Variants in PTPRD observed in about 807,000 individuals in gnomAD.
PTPRD encodes receptor-type tyrosine-protein phosphatase delta.
PTPRD carries 34 observed loss-of-function variants against 214.5 expected under a neutral mutation model. The ratio of observed to expected loss-of-function variants is 0.16; its 90% confidence interval spans 0.12 to 0.21. The LOEUF (loss-of-function observed/expected upper bound fraction) is 0.21, where lower values mean the gene tolerates loss of function less well. Among genes scored for constraint, PTPRD ranks in the 10% least tolerant of loss-of-function variants. The pLI is 1.00. For missense variants in PTPRD, 2,545 were observed against 2,398.7 expected (o/e 1.06, Z -1.27); for synonymous variants, 1,128 against 845.7 (o/e 1.33, Z -5.79).
chr9:9,616,778 G>C (rs990524065), intron 7 of PTPRD, among the ~76,000 whole-genome samples: 8 of 151,992 alleles, frequency 5.3e-5, no homozygotes, highest in African/African-American at 1.9e-4. Context: ...CCAACCAACA[G>C]CTCTCAGGGC....
chr9:10,005,083 A>G (rs2096443678), intron 4 of PTPRD, among the ~76,000 whole-genome samples: 1 of 152,126 alleles, frequency 6.6e-6, no homozygotes, highest in East Asian at 1.9e-4. Flanking sequence ...TAAAACGTGG[A>G]CACTATTTCC....
chr9:8,590,068 G>C (rs889905728), intron 14 of PTPRD, among the ~76,000 whole-genome samples: 4 of 151,940 alleles, frequency 2.6e-5, no homozygotes, highest in Admixed American at 6.6e-5. Context: ...TTATGACCTA[G>C]GCCATACTTA....
At chr9:9,552,927 A>G (rs2080671925) in intron 8 of PTPRD, among the ~76,000 whole-genome samples, 3 of 152,102 alleles carry the variant, frequency 2.0e-5, no homozygotes, top group Admixed American at 2.0e-4. Flanking sequence ...GTGCTAGAAC[A>G]TCTGGAGCAT....
At chr9:9,425,690 T>G (rs189564192) in intron 8 of PTPRD, among the ~76,000 whole-genome samples, 1 of 151,810 alleles carries the variant, frequency 6.6e-6, no homozygotes. Flanking sequence ...CATTTAACAA[T>G]GATGCAGATA....
intron 2 of PTPRD, among the ~76,000 whole-genome samples, chr9:10,569,827 A>T (rs548996240): frequency 3.1e-4 from 47 of 152,194 alleles, no homozygotes; most frequent in Middle Eastern, 6.9e-3. Context: ...CATATAACTA[A>T]TGAGCTTGGT....
chr9:10,130,909 G>C (rs570687723), intron 3 of PTPRD, among the ~76,000 whole-genome samples: 3 of 152,230 alleles, frequency 2.0e-5, no homozygotes, highest in South Asian at 4.1e-4. Context: ...GTGCAAAGTA[G>C]TTCAGCACTT....
intron 11 of PTPRD, among the ~76,000 whole-genome samples, chr9:8,848,290 C>T (rs4742544): frequency 0.018 from 2,606 of 142,672 alleles, 71 homozygotes; most frequent in South Asian, 0.097. Flanking sequence ...AGGCAACGTA[C>T]TTATTAATGC....
intron 12 of PTPRD, among the ~76,000 whole-genome samples, chr9:8,674,111 T>C (rs996822396): frequency 6.6e-6 from 1 of 151,988 alleles, no homozygotes; most frequent in African/African-American, 2.4e-5. Context: ...TAACAAAAAA[T>C]CACATAGACA....
chr9:8,371,358 T>A (rs1235346128), intron 39 of PTPRD, among the ~76,000 whole-genome samples: 1 of 152,078 alleles, frequency 6.6e-6, no homozygotes, highest in Non-Finnish European at 1.5e-5. Context: ...AATTATTGAG[T>A]GCTTACTAAG....
chr9:9,756,446 T>C (rs2098579712), intron 6 of PTPRD, among the ~76,000 whole-genome samples: 1 of 152,134 alleles, frequency 6.6e-6, no homozygotes, highest in Non-Finnish European at 1.5e-5. Flanking sequence ...CTTTATTGAA[T>C]TCTTACAACC....
At chr9:8,333,017 CA>C (rs1309422518) in intron 43 of PTPRD, among the ~76,000 whole-genome samples, 5 of 150,816 alleles carry the variant, frequency 3.3e-5, no homozygotes, top group Non-Finnish European at 5.9e-5. Flanking sequence ...GAGAGGATCT[CA>C]GTGTGAGATG....
chr9:8,905,614 C>G (rs964929999), intron 11 of PTPRD, among the ~76,000 whole-genome samples: 3 of 151,796 alleles, frequency 2.0e-5, no homozygotes, highest in Non-Finnish European at 2.9e-5. Context: ...TGGCGAGTGC[C>G]TGTAATCTCA....
intron 7 of PTPRD, among the ~76,000 whole-genome samples, chr9:9,675,843 T>A (rs1308626683): frequency 6.6e-6 from 1 of 152,002 alleles, no homozygotes; most frequent in African/African-American, 2.4e-5. Flanking sequence ...AATCTTAATA[T>A]AAAAACAGGC....
Position 8,414,930 on chromosome 9 carries a change from G to GAGAGAGA in PTPRD, c.4087-10271_4087-10270insTCTCTCT, listed in dbSNP as rs2093802531. On this transcript the variant is annotated intron_variant, in intron 35 of 45. Coordinates refer to ENST00000381196, the MANE Select transcript of PTPRD (RefSeq NM_002839.4). ...GAGGGAGGGGGAGAGAGAGGGAGGG[G>GAGAGAGA]GAGAGAGAGAGAGAGAGAGAGAGAG... 6.9e-4 allele frequency among the ~76,000 whole-genome samples: 34 copies of GAGAGAGA among 49,268 alleles called. 1 individual carries two copies. Among genetic ancestry groups the GAGAGAGA allele is most frequent in the African/African-American group, 2.4e-3 (31 of 12,878 alleles). The allele number at this position is 49,268 out of a possible 152,430, so 32.3% of individuals were successfully genotyped here.
chr9:9,747,853 T>C (rs2098474232), intron 6 of PTPRD, among the ~76,000 whole-genome samples: 2 of 152,182 alleles, frequency 1.3e-5, no homozygotes, highest in East Asian at 1.9e-4. Flanking sequence ...GCACCTGGCC[T>C]GAGTCTACCA....
At chr9:8,619,802 CA>C (rs577392684) in intron 14 of PTPRD, among the ~76,000 whole-genome samples, 5 of 151,580 alleles carry the variant, frequency 3.3e-5, no homozygotes, top group African/African-American at 1.2e-4. Flanking sequence ...ACCCCCAAAA[CA>C]AAAAAAATCA....
chr9:8,927,383 G>A (rs2154277142), intron 11 of PTPRD, among the ~76,000 whole-genome samples: 1 of 151,848 alleles, frequency 6.6e-6, no homozygotes, highest in African/African-American at 2.4e-5. Flanking sequence ...GACAGGCCCT[G>A]GTGTGTGACG....
At chr9:8,467,454 C>T (rs1175929958) in intron 31 of PTPRD, among the ~76,000 whole-genome samples, 1 of 151,812 alleles carries the variant, frequency 6.6e-6, no homozygotes, top group Non-Finnish European at 1.5e-5. Context: ...GCATTAGCTC[C>T]AATTTACTCC....
At chr9:9,369,295 A>T (rs1169543523) in intron 9 of PTPRD, among the ~76,000 whole-genome samples, 1 of 151,912 alleles carries the variant, frequency 6.6e-6, no homozygotes. Flanking sequence ...TTTAATGATC[A>T]CCATTCTAAC....
Sources: gnomAD v4.1 joint callset for allele counts (sites outside exome capture counted in the v4.1 genomes callset) on GRCh38, gnomAD v4.1.1 for gene constraint, MANE v1.5 for transcripts, NCBI Gene and HGNC (gene_info 2026-07-23, HGNC 2026-07-21) for gene names.